Variants in PDZRN3 observed in about 807,000 individuals in gnomAD.
PDZRN3 encodes the protein PDZ domain containing ring finger 3, also known as E3 ubiquitin-protein ligase PDZRN3.
A neutral mutation model predicts 85.7 loss-of-function variants in PDZRN3; 38 were observed. The ratio of observed to expected loss-of-function variants is 0.44; its 90% CI spans 0.34 to 0.58. PDZRN3 has a LOEUF of 0.58. Among genes scored for constraint, PDZRN3 ranks in the 20% least tolerant of loss-of-function variants. The probability of loss-of-function intolerance (pLI) is 0.01; values close to 1 mark genes in which losing one functional copy is unlikely to be tolerated. For synonymous variants in PDZRN3, 759 were observed against 638.0 expected, an observed-to-expected ratio of 1.19 and a Z score of -2.86; for missense variants, 1,629 against 1,506.4, an observed-to-expected ratio of 1.08 and a Z score of -1.35.
rs536102779 is a variant in PDZRN3, at chr3:73,557,472, G to A, written c.918+44882C>T. On this transcript the variant is annotated intron_variant, in intron 3 of 9. Transcript: ENST00000263666. ...TTCATTGCTGTGTGGCAATAAAATTGAGCATGTGGTTATTCTTTATTCCCA... is the reference window on the plus strand; with the variant it reads ...TTCATTGCTGTGTGGCAATAAAATTAAGCATGTGGTTATTCTTTATTCCCA... Among the ~76,000 whole-genome samples the A allele has an allele frequency of 2.6e-5, 4 of 152,290 alleles. No homozygotes were observed. In the East Asian group the frequency reaches 7.7e-4, roughly 29 times the overall value.
At chr3:73,540,286 C>T (rs1204359306) in intron 3 of PDZRN3, among the ~76,000 whole-genome samples, 4 of 152,106 alleles carry the variant, frequency 2.6e-5, no homozygotes, top group African/African-American at 9.7e-5. Flanking sequence ...GGGTATTTCA[C>T]ATGCCTCTGT....
chr3:73,503,976 T>C (rs970759383), intron 3 of PDZRN3, among the ~76,000 whole-genome samples: 2 of 152,206 alleles, frequency 1.3e-5, no homozygotes, highest in Non-Finnish European at 1.5e-5. Flanking sequence ...AACCCAGCCA[T>C]GTGACTCCTT....
At chr3:73,517,253 T>C (rs1704272497) in intron 3 of PDZRN3, among the ~76,000 whole-genome samples, 1 of 152,224 alleles carries the variant, frequency 6.6e-6, no homozygotes, top group Admixed American at 6.5e-5. Flanking sequence ...TTTATATGTG[T>C]GACTAACTTT....
intron 3 of PDZRN3, among the ~76,000 whole-genome samples, chr3:73,552,524 T>G (rs565269247): frequency 1.3e-5 from 2 of 152,294 alleles, no homozygotes; most frequent in East Asian, 3.9e-4. Context: ...CATATGTTTA[T>G]GGTGTGTATG....
intron 3 of PDZRN3, among the ~76,000 whole-genome samples, chr3:73,601,579 A>C (rs1702516263): frequency 6.6e-6 from 1 of 152,148 alleles, no homozygotes; most frequent in African/African-American, 2.4e-5. Flanking sequence ...AATGGTCAAA[A>C]CACCAGTAAA....
At chr3:73,481,728 T>C (rs1332211658) in intron 3 of PDZRN3, among the ~76,000 whole-genome samples, 1 of 152,170 alleles carries the variant, frequency 6.6e-6, no homozygotes, top group East Asian at 1.9e-4. Context: ...TTCTTGCCCT[T>C]AAAAATGGAA....
intron 3 of PDZRN3, among the ~76,000 whole-genome samples, chr3:73,568,469 T>C (rs1361170469): frequency 3.3e-5 from 5 of 152,238 alleles, no homozygotes; most frequent in African/African-American, 1.2e-4. Context: ...TTGAGATACC[T>C]GGAGATCCAA....
chr3:73,487,167 C>T (rs1163175661), intron 3 of PDZRN3, among the ~76,000 whole-genome samples: 2 of 151,964 alleles, frequency 1.3e-5, no homozygotes, highest in Non-Finnish European at 2.9e-5. Flanking sequence ...TTTTCAATAA[C>T]TTCAATATCT....
At chr3:73,456,669 T>C (rs977568574) in intron 3 of PDZRN3, among the ~76,000 whole-genome samples, 4 of 152,054 alleles carry the variant, frequency 2.6e-5, no homozygotes, top group Non-Finnish European at 5.9e-5. Flanking sequence ...CATGTATAAA[T>C]AGGAATTAAG....
chr3:73,528,376 A>G (rs1410384224), intron 3 of PDZRN3, among the ~76,000 whole-genome samples: 1 of 152,200 alleles, frequency 6.6e-6, no homozygotes, highest in Non-Finnish European at 1.5e-5. Flanking sequence ...AATGGAGGCA[A>G]GCAATCATCA....
Position 73,588,815 on chromosome 3 carries a change from C to T in PDZRN3, c.918+13539G>A, listed in dbSNP as rs140405282. Among the ~76,000 whole-genome samples, 16 of 152,286 alleles carry T rather than the reference C, an allele frequency of 1.1e-4. 1 individual carries two copies. In the East Asian group the frequency reaches 3.1e-3, roughly 29 times the overall value. On this transcript the variant is annotated intron_variant, in intron 3 of 9. Transcript: ENST00000263666. ...TGAGCATTTAGCAAAACAGGTGGCA[C>T]ATATATAGCAAAGACTGAGCAGGTG...
chr3:73,588,967 G>GC (rs1316728072), intron 3 of PDZRN3, among the ~76,000 whole-genome samples: 1 of 152,004 alleles, frequency 6.6e-6, no homozygotes, highest in African/African-American at 2.4e-5. Flanking sequence ...TCTTTCCACT[G>GC]CCCTGTGATA....
chr3:73,538,564 T>C (rs1435820214), intron 3 of PDZRN3, among the ~76,000 whole-genome samples: 7 of 152,212 alleles, frequency 4.6e-5, no homozygotes, highest in Admixed American at 2.6e-4. Flanking sequence ...TAATAATGTA[T>C]TTATTATGTC....
chr3:73,471,604 A>G (rs1004617229), intron 3 of PDZRN3, among the ~76,000 whole-genome samples: 2 of 152,170 alleles, frequency 1.3e-5, no homozygotes, highest in African/African-American at 4.8e-5. Context: ...GTCCTCACCC[A>G]TGCCAACTAG....
intron 3 of PDZRN3, among the ~76,000 whole-genome samples, chr3:73,545,868 T>C (rs1340324231): frequency 1.3e-5 from 2 of 151,968 alleles, no homozygotes; most frequent in Non-Finnish European, 2.9e-5. Context: ...AGACACTTAT[T>C]GCGGGGAGGA....
intron 3 of PDZRN3, among the ~76,000 whole-genome samples, chr3:73,567,370 T>C (rs1032699465): frequency 3.3e-5 from 5 of 152,126 alleles, no homozygotes; most frequent in Non-Finnish European, 5.9e-5. Flanking sequence ...TCTAAAAAAA[T>C]AGTAACAAAA....
intron 3 of PDZRN3, among the ~76,000 whole-genome samples, chr3:73,508,718 C>A (rs1235834240): frequency 3.3e-5 from 5 of 152,112 alleles, no homozygotes; most frequent in Non-Finnish European, 7.4e-5. Flanking sequence ...ATTTTAACTT[C>A]TCCAGAAATG....
chr3:73,570,199 T>C (rs886094191), intron 3 of PDZRN3, among the ~76,000 whole-genome samples: 1 of 152,138 alleles, frequency 6.6e-6, no homozygotes, highest in African/African-American at 2.4e-5. Flanking sequence ...ACAATGGGCA[T>C]GTAGAAGGTC....
intron 4 of PDZRN3, among the ~76,000 whole-genome samples, chr3:73,403,100 C>T (rs755957525): frequency 7.2e-5 from 11 of 152,266 alleles, no homozygotes; most frequent in Admixed American, 2.6e-4. Context: ...ACCGCCACCA[C>T]ACCTGGCTAA....
Sources: allele counts gnomAD v4.1 joint callset (sites outside exome capture counted in the v4.1 genomes callset), GRCh38; gene constraint gnomAD v4.1.1; transcripts MANE v1.5; gene names NCBI Gene and HGNC (gene_info 2026-07-23, HGNC 2026-07-21).